SLC4A8: variants seen among roughly 807,000 people sequenced by gnomAD.
The protein encoded by SLC4A8 is solute carrier family 4 member 8.
A neutral mutation model predicts 125.0 loss-of-function variants in SLC4A8; 40 were observed. The ratio of observed to expected loss-of-function variants is 0.32; its 90% CI spans 0.25 to 0.42. SLC4A8 has a LOEUF of 0.42. Ranked by LOEUF, SLC4A8 falls within the 10% of genes least tolerant of loss-of-function variation. The pLI is 1.00. For missense variants in SLC4A8, 863 were observed against 1,355.1 expected (o/e 0.64, Z 5.70); for synonymous variants, 456 against 476.0 (o/e 0.96, Z 0.55).
intron 22 of SLC4A8, among the ~76,000 whole-genome samples, chr12:51,502,537 CT>C (rs111608773): frequency 3.7e-4 from 54 of 146,366 alleles, no homozygotes; most frequent in African/African-American, 9.8e-4. Flanking sequence ...TGCCTGACCT[CT>C]TTTTTTTTTT....
intron 17 of SLC4A8, among the ~76,000 whole-genome samples, chr12:51,486,873 G>A (rs1425771156): frequency 3.3e-5 from 5 of 152,184 alleles, no homozygotes; most frequent in Non-Finnish European, 7.3e-5. Context: ...CCACCAGTTG[G>A]AAGTTTATGG....
chr12:51,505,287 CT>C (rs1279300718), intron 23 of SLC4A8, among the ~76,000 whole-genome samples: 1 of 152,152 alleles, frequency 6.6e-6, no homozygotes, highest in East Asian at 1.9e-4. Flanking sequence ...GGTCTTGATT[CT>C]CTACTTGCTG....
intron 2 of SLC4A8, among the ~76,000 whole-genome samples, chr12:51,448,656 C>T (rs1274056846): frequency 2.0e-5 from 3 of 152,084 alleles, no homozygotes; most frequent in African/African-American, 4.8e-5. Flanking sequence ...TCAGGGAGCC[C>T]AGAGCACCCA....
intron 23 of SLC4A8, among the ~76,000 whole-genome samples, chr12:51,504,324 G>A (rs3858636): frequency 0.48 from 73,412 of 151,984 alleles, 18,061 homozygotes; most frequent in Non-Finnish European, 0.53. Flanking sequence ...CAGGTTATGG[G>A]AATCACAAGA....
chr12:51,403,190 C>T (rs1432134657), intron 1 of SLC4A8: 1 of 397,232 alleles, frequency 2.5e-6, no homozygotes, highest in Non-Finnish European at 5.2e-6. Flanking sequence ...GCAACAAACT[C>T]AGAAGCACTC....
intron 1 of SLC4A8, among the ~76,000 whole-genome samples, chr12:51,397,185 C>T (rs1470618879): frequency 2.0e-5 from 3 of 152,144 alleles, no homozygotes; most frequent in African/African-American, 4.8e-5. Flanking sequence ...ACCTCGGCCT[C>T]CCAAAGTGCT....
At chr12:51,444,501 C>T (rs1437828239) in intron 2 of SLC4A8, among the ~76,000 whole-genome samples, 1 of 152,124 alleles carries the variant, frequency 6.6e-6, no homozygotes, top group Non-Finnish European at 1.5e-5. Context: ...ACCTTACTTC[C>T]TACAGAACCA....
Position 51,445,478 on chromosome 12 carries a change from G to T in SLC4A8, c.130+4689G>T, listed in dbSNP as rs558077565. Among the ~76,000 whole-genome samples the T allele has an allele frequency of 6.6e-5, 10 of 152,266 alleles. No homozygotes were observed. The South Asian group carries it at 1.7e-3, about 25-fold the overall frequency. On this transcript the variant is annotated intron_variant, in intron 2 of 24. Coordinates refer to ENST00000453097, the MANE Select transcript of SLC4A8 (RefSeq NM_001039960.3). ...CCGCTGTGCCTGGCCAGAAGTGGTTGTTCAGGATCGAATTATGCTTTTTAC... is the reference window on the plus strand; with the variant it reads ...CCGCTGTGCCTGGCCAGAAGTGGTTTTTCAGGATCGAATTATGCTTTTTAC...
At chr12:51,427,998 T>C (rs1949056505) in intron 1 of SLC4A8, among the ~76,000 whole-genome samples, 1 of 152,176 alleles carries the variant, frequency 6.6e-6, no homozygotes, top group South Asian at 2.1e-4. Flanking sequence ...ATCAGGCTCT[T>C]GTCCACCCTC....
At chr12:51,502,238 T>A (rs1741763182) in intron 22 of SLC4A8, 1 of 152,146 alleles carries the variant, frequency 6.6e-6, no homozygotes, top group African/African-American at 2.4e-5. Flanking sequence ...GTGTTTTTTG[T>A]TTGTTTGTTT....
intron 1 of SLC4A8, among the ~76,000 whole-genome samples, chr12:51,410,343 T>G (rs1409506702): frequency 1.3e-5 from 2 of 152,230 alleles, no homozygotes; most frequent in South Asian, 2.1e-4. Flanking sequence ...CTTGGGCATC[T>G]TTAGCTAGTT....
chr12:51,460,275 T>C (rs1018360160), intron 8 of SLC4A8, among the ~76,000 whole-genome samples, 167 bp downstream of exon 8: 1 of 152,168 alleles, frequency 6.6e-6, no homozygotes, highest in East Asian at 1.9e-4. Flanking sequence ...TAATTCCAGC[T>C]ACTAGAGAGG....
intron 1 of SLC4A8, among the ~76,000 whole-genome samples, chr12:51,398,091 A>G (rs1948300300): frequency 6.6e-6 from 1 of 152,124 alleles, no homozygotes; most frequent in Non-Finnish European, 1.5e-5. Flanking sequence ...CCTTATTTTT[A>G]CAAGTGAGAA....
chr12:51,422,854 C>G (rs542900263), upstream of SLC4A8, among the ~76,000 whole-genome samples: 5 of 152,292 alleles, frequency 3.3e-5, no homozygotes, highest in South Asian at 1.0e-3. Context: ...TAGCTCGAAT[C>G]CATGTCCTCT....
intron 22 of SLC4A8, chr12:51,501,777 T>G (rs1937895240): frequency 6.6e-6 from 1 of 152,248 alleles, no homozygotes; most frequent in Admixed American, 6.5e-5. Flanking sequence ...CCACCAACAG[T>G]GTAGAAGTGT....
intron 1 of SLC4A8, among the ~76,000 whole-genome samples, chr12:51,395,042 T>TA (rs10557992): frequency 1.9e-4 from 28 of 144,402 alleles, no homozygotes; most frequent in East Asian, 4.1e-4. Context: ...AAAAAATAAA[T>TA]AAAAAAAAAA....
At chr12:51,417,613 G>C (rs889533049) in intron 1 of SLC4A8, among the ~76,000 whole-genome samples, 6 of 152,066 alleles carry the variant, frequency 3.9e-5, no homozygotes, top group African/African-American at 1.4e-4. Flanking sequence ...CACCTCCCGG[G>C]TTCAAGCGAT....
At chr12:51,417,720 G>C (rs1000026822) in intron 1 of SLC4A8, among the ~76,000 whole-genome samples, 1 of 152,204 alleles carries the variant, frequency 6.6e-6, no homozygotes, top group South Asian at 2.1e-4. Flanking sequence ...GTTTCACTAT[G>C]TTGGCCAGGC....
At chr12:51,423,979 T>G (rs1592157409), upstream of SLC4A8, among the ~76,000 whole-genome samples, 1 of 131,888 alleles carries the variant, frequency 7.6e-6, no homozygotes, top group Non-Finnish European at 1.5e-5. Context: ...GAGGTTGCAG[T>G]GATCCAAGAA....
Sources: allele counts gnomAD v4.1 joint callset (sites outside exome capture counted in the v4.1 genomes callset), GRCh38; gene constraint gnomAD v4.1.1; transcripts MANE v1.5; gene names NCBI Gene and HGNC (gene_info 2026-07-23, HGNC 2026-07-21).